The following ZNF468 variants were observed in gnomAD, a reference collection of about 807,000 sequenced individuals.
ZNF468 encodes zinc finger protein ZNF468.
A neutral mutation model predicts 7.2 loss-of-function variants in ZNF468; 8 were observed. The ratio of observed to expected loss-of-function variants is 1.11; its 90% confidence interval spans 0.65 to 2.01. The LOEUF (loss-of-function observed/expected upper bound fraction) is 2.01, where lower values mean the gene tolerates loss of function less well. ZNF468 is among the 30% of genes most tolerant of loss of function. ZNF468 has a pLI of 0.00. For synonymous variants in ZNF468, 218 were observed against 214.4 expected (o/e 1.02, Z -0.15); for missense variants, 608 against 626.5 (o/e 0.97, Z 0.31).
rs180947288 is a variant in ZNF468, at chr19:52,844,836, G to A, written c.143-2685C>T. Among the ~76,000 whole-genome samples, 44 of 152,234 alleles carry A rather than the reference G, an allele frequency of 2.9e-4. No individual in the cohort carries two copies. In the East Asian group the frequency reaches 5.8e-3, roughly 20 times the overall value. ...TTAGAGGGGTGAGCCACCGCGGCCA[G>A]CCAGTCTAAGCTATTTCTAGCAGGA... On this transcript the variant is annotated intron_variant, in intron 3 of 3. Coordinates refer to ENST00000595646, the MANE Select transcript of ZNF468 (RefSeq NM_001008801.2).
rs1388623849 is a variant in ZNF468, at chr19:52,841,231, A to G, written c.1063T>C (p.Tyr355His). ...HTILHTGEKP[Y>H]TCNECGKVFN... ...ACTTTGCCACATTCATTACATGTGT[A>G]AGGTTTCTCTCCAGTGTGAAGTATA... The change falls in exon 4 of 4, where the codon TAC (tyrosine) becomes CAC (histidine). Residue 355 changes from tyrosine to histidine, a missense_variant. Coordinates refer to ENST00000595646, the MANE Select transcript of ZNF468 (RefSeq NM_001008801.2). 3 of 1,613,772 alleles carry G rather than the reference A, an allele frequency of 1.9e-6. No individual in the cohort carries two copies. The highest frequency in any genetic ancestry group is 2.5e-6 in the Non-Finnish European group (3 of 1,179,986).
Position 52,855,178 on chromosome 19 carries a change from GAA to G in ZNF468, c.-73-835_-73-834del, listed in dbSNP as rs66547173. Among the ~76,000 whole-genome samples, 39 of 128,584 alleles carry G rather than the reference GAA, an allele frequency of 3.0e-4. No individual in the cohort carries two copies. In the South Asian group the frequency reaches 8.0e-3, roughly 26 times the overall value. The allele number at this position is 128,584 out of a possible 152,430, so 84.4% of individuals were successfully genotyped here. A position where few individuals can be genotyped will look rare whatever the true frequency, so the allele number is the denominator to read the frequency against. Reference sequence around the variant, plus strand: ...CGGAGGACAGAGTGAGAGTCTGTTTGAAAAAAAAAAAAAAAGTGCATTTCTGA... The same window carrying G: ...CGGAGGACAGAGTGAGAGTCTGTTTGAAAAAAAAAAAAAGTGCATTTCTGA... On this transcript the variant is annotated intron_variant, in intron 1 of 3. Coordinates refer to ENST00000595646, the MANE Select transcript of ZNF468 (RefSeq NM_001008801.2).
intron 3 of ZNF468, among the ~76,000 whole-genome samples, chr19:52,845,906 G>C (rs1439107388): frequency 6.6e-6 from 1 of 152,110 alleles, no homozygotes; most frequent in Non-Finnish European, 1.5e-5. Flanking sequence ...AGGAGGCTGA[G>C]GCAGGAGAAT....
chr19:52,852,403 T>A (rs369775682), intron 2 of ZNF468, among the ~76,000 whole-genome samples: 1 of 151,816 alleles, frequency 6.6e-6, no homozygotes, highest in Non-Finnish European at 1.5e-5. Flanking sequence ...CAGCCAGGCA[T>A]GGTGGCTCAC....
In ZNF468 at chr19:52,847,830, C is replaced by T. The variant is rs143989138; in HGVS notation, c.142+1257G>A. Among the ~76,000 whole-genome samples the T allele has an allele frequency of 5.8e-4, 88 of 152,220 alleles. 1 individual carries two copies. The East Asian group carries it at 0.016, about 27-fold the overall frequency. ...TCTCCCCACCTGTTGCCCTGCTACA[C>T]TCCCCTTGCTAAGATAGTAAAAATA... is the stretch of plus-strand genomic sequence containing the variant. On this transcript the variant is annotated intron_variant, in intron 3 of 3. Coordinates refer to ENST00000595646, the MANE Select transcript of ZNF468 (RefSeq NM_001008801.2).
In ZNF468 at chr19:52,839,916, A is replaced by G. The variant is rs1008060724; in HGVS notation, c.*809T>C. 30 of 905,380 alleles carry G rather than the reference A, an allele frequency of 3.3e-5. 1 individual carries two copies. The African/African-American group carries it at 4.9e-4, about 15-fold the overall frequency. The allele number at this position is 905,380 out of a possible 1,614,324, so 56.1% of individuals were successfully genotyped here. A position where few individuals can be genotyped will look rare whatever the true frequency, so the allele number is the denominator to read the frequency against. On this transcript the variant is annotated 3_prime_UTR_variant, in exon 4 of 4. Transcript: ENST00000595646. ...TTCTCCAATGATGTGCAATGGTTGTAGCATTACTGAAAACTTTGTGACAAT... is the reference window on the plus strand; with the variant it reads ...TTCTCCAATGATGTGCAATGGTTGTGGCATTACTGAAAACTTTGTGACAAT...
intron 3 of ZNF468, 132 bp from the exon 4 acceptor site, chr19:52,842,283 C>T: frequency 1.3e-6 from 1 of 769,482 alleles, no homozygotes; most frequent in Non-Finnish European, 2.0e-6. Flanking sequence ...AGTTTAGGAA[C>T]ACAAAAGGAG....
In ZNF468 at chr19:52,853,645, C is replaced by T. The variant is rs185918509; in HGVS notation, c.15+613G>A. Among the ~76,000 whole-genome samples the T allele has an allele frequency of 2.7e-4, 41 of 151,804 alleles. No individual in the cohort carries two copies. In the East Asian group the frequency reaches 4.6e-3, roughly 17 times the overall value. On this transcript the variant is annotated intron_variant, in intron 2 of 3. Coordinates refer to ENST00000595646, the MANE Select transcript of ZNF468 (RefSeq NM_001008801.2). ...GGCGGAGGTTGCGGTGAGTTGAGAT[C>T]GCGCCATTGCACTCCAGCCTGGGTA...
At chr19:52,854,233 C>A (rs376068805) in intron 2 of ZNF468, 25 bp downstream of exon 2, 15 of 1,613,712 alleles carry the variant, frequency 9.3e-6, no homozygotes, top group Non-Finnish European at 1.2e-5. Flanking sequence ...GGAGACAGAA[C>A]AATCCACCGA....
chr19:52,848,273 T>C (rs1436202923), intron 3 of ZNF468, among the ~76,000 whole-genome samples: 4 of 152,230 alleles, frequency 2.6e-5, no homozygotes, highest in South Asian at 2.1e-4. Flanking sequence ...AATATGGAGA[T>C]AACAGGTCAG....
At chr19:52,851,692 G>A (rs977118857) in intron 2 of ZNF468, among the ~76,000 whole-genome samples, 4 of 152,108 alleles carry the variant, frequency 2.6e-5, no homozygotes, top group African/African-American at 9.7e-5. Flanking sequence ...AGTGCGCTAA[G>A]ATCACGCCAC....
Position 52,841,202 on chromosome 19 carries a change from A to G in ZNF468, c.1092T>C (p.Phe364=), listed in dbSNP as rs1357008281. The change falls in exon 4 of 4, where the codon TTT becomes TTC. Residue 364 remains phenylalanine, a synonymous_variant. Coordinates refer to ENST00000595646, the MANE Select transcript of ZNF468 (RefSeq NM_001008801.2). ...GGCGTGCAAGGGTTGATAGTCGATT[A>G]AAAACTTTGCCACATTCATTACATG... ...PYTCNECGKV[F]NRLSTLARHH... 6.2e-7 allele frequency: 1 copy of G among 1,613,020 alleles called. No homozygotes were observed. The highest frequency in any genetic ancestry group is 1.1e-5 in the South Asian group (1 of 91,018).
intron 1 of ZNF468, among the ~76,000 whole-genome samples, chr19:52,856,931 A>C (rs57991490): frequency 0.012 from 1,755 of 149,532 alleles, 27 homozygotes; most frequent in African/African-American, 0.038. Context: ...CACGATCACA[A>C]GAGGGTTTGG....
intron 2 of ZNF468, among the ~76,000 whole-genome samples, chr19:52,851,705 C>T (rs909695884): frequency 3.3e-5 from 5 of 151,870 alleles, no homozygotes; most frequent in African/African-American, 1.2e-4. Context: ...CACGCCACTG[C>T]ACTCCAGCCT....
At chr19:52,853,819 T>C (rs1322418818) in intron 2 of ZNF468, 1 of 1,183,484 alleles carries the variant, frequency 8.4e-7, no homozygotes, top group Non-Finnish European at 1.0e-6. Context: ...AAATGTGGTA[T>C]AAAATCAGGG....
At chr19:52,846,328 A>G (rs111859649) in intron 3 of ZNF468, among the ~76,000 whole-genome samples, 1 of 151,840 alleles carries the variant, frequency 6.6e-6, no homozygotes, top group Non-Finnish European at 1.5e-5. Flanking sequence ...GCCTCCTGAG[A>G]AGCTGGGATT....
At chr19:52,853,006 C>T (rs2063403186) in intron 2 of ZNF468, among the ~76,000 whole-genome samples, 1 of 151,754 alleles carries the variant, frequency 6.6e-6, no homozygotes, top group Non-Finnish European at 1.5e-5. Flanking sequence ...AGGTGCCCAC[C>T]ACCACACCCG....
intron 3 of ZNF468, among the ~76,000 whole-genome samples, chr19:52,846,329 A>C (rs1182907818): frequency 6.6e-6 from 1 of 152,054 alleles, no homozygotes; most frequent in Non-Finnish European, 1.5e-5. Context: ...CCTCCTGAGA[A>C]GCTGGGATTA....
intron 2 of ZNF468, among the ~76,000 whole-genome samples, chr19:52,849,803 G>A (rs1279833070): frequency 3.0e-5 from 4 of 133,736 alleles, no homozygotes; most frequent in African/African-American, 1.1e-4. Context: ...ACTTGGAAGG[G>A]TAAAGAGGTA....
Sources: allele counts gnomAD v4.1 joint callset (sites outside exome capture counted in the v4.1 genomes callset), GRCh38; gene constraint gnomAD v4.1.1; transcripts MANE v1.5; gene names NCBI Gene and HGNC (gene_info 2026-07-23, HGNC 2026-07-21).